The following KCNQ4 variants were observed in gnomAD, a reference collection of about 807,000 sequenced individuals.
KCNQ4 encodes the protein potassium voltage-gated channel subfamily Q member 4.
Under a neutral mutation model 72.6 loss-of-function variants are expected in KCNQ4, and 31 were observed. The ratio of observed to expected loss-of-function variants is 0.43; its 90% CI spans 0.32 to 0.58. KCNQ4 has a LOEUF of 0.58. Ranked by LOEUF, KCNQ4 falls within the 20% of genes least tolerant of loss-of-function variation. The pLI is 0.08. For synonymous variants in KCNQ4, 405 were observed against 403.7 expected (o/e 1.00, Z -0.04); for missense variants, 869 against 962.6 (o/e 0.90, Z 1.29).
At chr1:40,795,237 G>C (rs1647378257) in intron 1 of KCNQ4, among the ~76,000 whole-genome samples, 1 of 151,036 alleles carries the variant, frequency 6.6e-6, no homozygotes, top group South Asian at 2.1e-4. Context: ...AAGAACAGGG[G>C]GGTTGTGGTG....
In KCNQ4 at chr1:40,819,417, A is replaced by C; in HGVS notation, c.779A>C (p.Glu260Ala). The change falls in exon 5 of 14, where the codon GAG becomes GCG. Residue 260 changes from glutamate to alanine, a missense_variant. By Grantham distance (107) the Glu-to-Ala change is moderately radical. Around this residue, in one of 5 missense-constraint regions of KCNQ4, gnomAD observed 179 missense variants for 243.0 expected, o/e 0.74. Coordinates refer to ENST00000347132, the MANE Select transcript of KCNQ4 (RefSeq NM_004700.4). ...IFASFLVYLAEKDANSDFSSY... is the reference protein window; with the variant it reads ...IFASFLVYLAAKDANSDFSSY... The stretch of plus-strand genomic sequence containing the variant: ...GCCTCCTTCCTGGTCTACCTGGCTG[A>C]GAAGGACGCCAACTCCGACTTCTCC... 1 of 1,613,700 alleles carries C rather than the reference A, an allele frequency of 6.2e-7. No homozygotes were observed. The highest frequency in any genetic ancestry group is 8.5e-7 in the Non-Finnish European group (1 of 1,179,888).
In KCNQ4 at chr1:40,838,594, T is replaced by C. The variant is rs1027818816; in HGVS notation, c.*71T>C. ...GGCGCTCCGACTGCCCTCTGAGGCC[T>C]CCGGACTCCTCTCGTACTTGAACTC... On this transcript the variant is annotated 3_prime_UTR_variant, in exon 14 of 14. Coordinates refer to ENST00000347132, the MANE Select transcript of KCNQ4 (RefSeq NM_004700.4). 2.2e-6 allele frequency: 3 copies of C among 1,357,166 alleles called. No individual in the cohort carries two copies. Among genetic ancestry groups the C allele is most frequent in the Non-Finnish European group, 2.1e-6 (2 of 947,848 alleles). The allele number at this position is 1,357,166 out of a possible 1,614,324, so 84.1% of individuals were successfully genotyped here.
intron 9 of KCNQ4, chr1:40,826,825 G>A (rs1648493208): frequency 2.8e-6 from 1 of 362,216 alleles, no homozygotes; most frequent in Non-Finnish European, 5.7e-6. Flanking sequence ...TGGGTGCCCA[G>A]TGAACCCCTC....
chr1:40,837,816 G>A (rs1246847008), intron 13 of KCNQ4, 22 bp downstream of exon 13: 1 of 1,596,582 alleles, frequency 6.3e-7, no homozygotes, highest in Non-Finnish European at 8.5e-7. Flanking sequence ...ATGGGGTGGC[G>A]GAGCTGGCCA....
intron 1 of KCNQ4, among the ~76,000 whole-genome samples, chr1:40,798,405 C>A (rs1199342245): frequency 1.3e-5 from 2 of 152,236 alleles, no homozygotes; most frequent in African/African-American, 4.8e-5. Flanking sequence ...AGGAGGTCCT[C>A]TCTCCCACTG....
At chr1:40,800,950 A>C (rs1647555328) in intron 1 of KCNQ4, among the ~76,000 whole-genome samples, 1 of 152,248 alleles carries the variant, frequency 6.6e-6, no homozygotes, top group Non-Finnish European at 1.5e-5. Flanking sequence ...ACCAAGGTGG[A>C]AATGTACAGG....
At position 40,783,966 on chromosome 1, in the gene KCNQ4, CCGCCGCCCG is replaced by C. The variant is rs1168320215; in HGVS notation, c.-123_-115del. On this transcript the variant is annotated 5_prime_UTR_variant, in exon 1 of 14. Transcript: ENST00000347132. This position sits in a 1 kb window ranked among gnomAD's most constrained non-coding sequence, Gnocchi z 4.4. ...GCGGCCCCGGCCCGGCCCCTAGCCC[CCGCCGCCCG>C]CGCCCGCCCCGGGTCGCCCCTCTGG... is the stretch of plus-strand genomic sequence containing the variant. The C allele has an allele frequency of 6.8e-6, 1 of 148,040 alleles. No individual in the cohort carries two copies. Among genetic ancestry groups the C allele is most frequent in the Non-Finnish European group, 1.5e-5 (1 of 66,168 alleles). The allele number at this position is 148,040 out of a possible 1,614,324, so 9.2% of individuals were successfully genotyped here. A position where few individuals can be genotyped will look rare whatever the true frequency, so the allele number is the denominator to read the frequency against.
chr1:40,831,229 C>G lies in KCNQ4; in HGVS notation c.1438C>G (p.Gln480Glu). Residue 480 changes from glutamine (Q) to glutamate (E), a missense_variant, in exon 10 of 14, where the codon CAA becomes GAA. Around this residue, in one of 5 missense-constraint regions of KCNQ4, gnomAD observed 480 missense variants for 501.9 expected, o/e 0.96. Coordinates refer to ENST00000347132, the MANE Select transcript of KCNQ4 (RefSeq NM_004700.4). ...TGAGGCCACCAGCCCCACCAAGGTG[C>G]AAAAGAGCTGGAGCTTCAATGACCG... ...VGEATSPTKV[Q>E]KSWSFNDRTR... 1 of 1,609,694 alleles carries G rather than the reference C, an allele frequency of 6.2e-7. No individual in the cohort carries two copies. Among genetic ancestry groups the G allele is most frequent in the Non-Finnish European group, 8.5e-7 (1 of 1,178,164 alleles).
At chr1:40,819,607 C>T in intron 5 of KCNQ4, 135 bp downstream of exon 5, 4 of 1,229,560 alleles carry the variant, frequency 3.3e-6, no homozygotes, top group Non-Finnish European at 4.6e-6. Flanking sequence ...CTGGGACCCC[C>T]CTGAGACCAG....
rs1403826589 is a variant in KCNQ4 at position 40,784,014 on chromosome 1, C to T, written c.-80C>T. 2.0e-5 allele frequency: 3 copies of T among 148,264 alleles called. No homozygotes were observed. Among genetic ancestry groups the T allele is most frequent in the African/African-American group, 7.4e-5 (3 of 40,604 alleles). 9.2% of individuals were successfully genotyped at this position (148,264 alleles called of 1,614,324 possible). On this transcript the variant is annotated 5_prime_UTR_variant, in exon 1 of 14. Transcript: ENST00000347132. This position sits in a 1 kb window ranked among gnomAD's most constrained non-coding sequence, Gnocchi z 4.1. ...TCGCCCCTCTGGCCCCGGGTCCGAG[C>T]CATGCGTCTCTGAGCGCCCCGAGCG... is the stretch of plus-strand genomic sequence containing the variant.
In KCNQ4 at chr1:40,820,210, C is replaced by T. The variant is rs1178772384; in HGVS notation, c.991C>T (p.Arg331Trp). ...GFALKVQEQH[R>W]QKHFEKRRMP... The stretch of plus-strand genomic sequence containing the variant: ...TGCCCTGAAGGTCCAGGAGCAGCAC[C>T]GGCAGAAGCACTTCGAGAAGCGGAG... Residue 331 changes from arginine to tryptophan, a missense_variant, in exon 7 of 14, where the codon CGG (arginine) becomes TGG (tryptophan). Around this residue, in one of 5 missense-constraint regions of KCNQ4, gnomAD observed 19 missense variants for 26.4 expected, o/e 0.72. Transcript: ENST00000347132. 1.2e-6 allele frequency: 2 copies of T among 1,610,870 alleles called. No individual in the cohort carries two copies. The highest frequency in any genetic ancestry group is 1.7e-6 in the Non-Finnish European group (2 of 1,178,682).
chr1:40,820,940 A>C (rs1648270637), intron 7 of KCNQ4, among the ~76,000 whole-genome samples: 1 of 152,176 alleles, frequency 6.6e-6, no homozygotes. Context: ...TCCTTGCAGG[A>C]AATGCTTCAG....
chr1:40,824,903 T>G (rs947266207), intron 9 of KCNQ4, among the ~76,000 whole-genome samples: 1 of 152,334 alleles, frequency 6.6e-6, no homozygotes, highest in East Asian at 1.9e-4. Flanking sequence ...CCTTCCTTAC[T>G]GAGGTACACT....
chr1:40,828,635 A>G (rs185314924), intron 9 of KCNQ4, among the ~76,000 whole-genome samples: 1 of 152,170 alleles, frequency 6.6e-6, no homozygotes, highest in South Asian at 2.1e-4. Flanking sequence ...TAAAATAGGG[A>G]TGGTAAAGAC....
chr1:40,784,533 C>G lies in KCNQ4; in HGVS notation c.314+126C>G. On this transcript the variant is annotated intron_variant, in intron 1 of 13. Transcript: ENST00000347132. The surrounding 1 kb of genome is among the most constrained non-coding windows in gnomAD (Gnocchi z 4.1). The stretch of plus-strand genomic sequence containing the variant: ...CAGGGCCGACCCTCATCTCTCTCCC[C>G]CCAGGCCTAAGCCCGGTTTCTGATC... 3.3e-6 allele frequency: 3 copies of G among 902,446 alleles called. No individual in the cohort carries two copies. Among genetic ancestry groups the G allele is most frequent in the South Asian group, 2.7e-5 (2 of 72,922 alleles). 55.9% of individuals were successfully genotyped at this position (902,446 alleles called of 1,614,324 possible).
Position 40,784,785 on chromosome 1 carries a change from G to C in KCNQ4, c.314+378G>C, listed in dbSNP as rs1647186693. ...TCCTCTTCCCCACCCCTGCCTCCCT[G>C]TGTCCCAGACACAAAGAGGAACCCT... On this transcript the variant is annotated intron_variant, in intron 1 of 13. Transcript: ENST00000347132. This position sits in a 1 kb window ranked among gnomAD's most constrained non-coding sequence, Gnocchi z 4.1. Among the ~76,000 whole-genome samples the C allele has an allele frequency of 6.6e-6, 1 of 152,080 alleles. No homozygotes were observed. The highest frequency in any genetic ancestry group is 1.5e-5 in the Non-Finnish European group (1 of 67,990).
At chr1:40,810,462 G>C (rs2148311691) in intron 1 of KCNQ4, among the ~76,000 whole-genome samples, 1 of 152,298 alleles carries the variant, frequency 6.6e-6, no homozygotes, top group South Asian at 2.1e-4. Flanking sequence ...TTCATTTCTG[G>C]TTTTACAATA....
chr1:40,792,992 TTTTC>T (rs962732542), intron 1 of KCNQ4, among the ~76,000 whole-genome samples: 10 of 140,640 alleles, frequency 7.1e-5, no homozygotes, highest in Non-Finnish European at 9.1e-5. Context: ...CTTTCTTTTC[TTTTC>T]TTTCTTTCTT....
rs758221510 is a variant in KCNQ4, at chr1:40,831,212, C to T, written c.1421C>T (p.Thr474Ile). 25 of 1,609,510 alleles carry T rather than the reference C, an allele frequency of 1.6e-5. No homozygotes were observed. In the East Asian group the frequency reaches 5.4e-4, roughly 35 times the overall value. The change falls in exon 10 of 14, where the codon ACC becomes ATC. Residue 474 changes from threonine to isoleucine, a missense_variant. Thr to Ile is a moderately conservative substitution (Grantham distance 89). This residue lies in a region of KCNQ4 where 480 missense variants were observed against 501.9 expected (regional missense o/e 0.96). Transcript: ENST00000347132. ...AGCAGCGAGCAGGTGGGTGAGGCCA[C>T]CAGCCCCACCAAGGTGCAAAAGAGC... Reference protein sequence around the residue: ...SPSSEQVGEATSPTKVQKSWS... With the variant: ...SPSSEQVGEAISPTKVQKSWS...
Sources: allele counts gnomAD v4.1 joint callset (sites outside exome capture counted in the v4.1 genomes callset), GRCh38; gene constraint gnomAD v4.1.1; regional missense constraint gnomAD v4.1.1; non-coding constraint Gnocchi (gnomAD v3.1); transcripts MANE v1.5; gene names NCBI Gene and HGNC (gene_info 2026-07-23, HGNC 2026-07-21).